Variants in LARP1B observed in about 807,000 individuals in gnomAD.
The protein encoded by LARP1B is la-related protein 1B.
In LARP1B, 76 loss-of-function variants were observed where a neutral mutation model predicts 114.2. The observed-to-expected ratio is 0.67, with a 90% confidence interval of 0.55 to 0.81. The LOEUF (loss-of-function observed/expected upper bound fraction) is 0.81. Ranked by LOEUF, LARP1B falls within the 30% of genes least tolerant of loss-of-function variation. The pLI is 0.00. For synonymous variants in LARP1B, 345 were observed against 348.0 expected, an observed-to-expected ratio of 0.99 and a Z score of 0.10; for missense variants, 1,014 against 1,075.8, an observed-to-expected ratio of 0.94 and a Z score of 0.80.
chr4:128,165,168 C>A (rs1238691676), intron 12 of LARP1B, among the ~76,000 whole-genome samples: 2 of 151,534 alleles, frequency 1.3e-5, no homozygotes, highest in African/African-American at 2.4e-5. Context: ...TGGGGGAAAT[C>A]CCATCTGGAA....
chr4:128,160,998 ATTCT>A (rs1026469215), intron 11 of LARP1B, among the ~76,000 whole-genome samples: 7 of 152,158 alleles, frequency 4.6e-5, no homozygotes, highest in East Asian at 1.9e-4. Context: ...AACCCGAAAA[ATTCT>A]TTCTTATGTT....
intron 15 of LARP1B, among the ~76,000 whole-genome samples, chr4:128,197,880 CTTTTTTTTTTTTT>C (rs35888649): frequency 2.3e-5 from 2 of 86,988 alleles, no homozygotes; most frequent in Non-Finnish European, 4.4e-5. Flanking sequence ...ACGATTGTAG[CTTTTTTTTTTTTT>C]TTTTTTTTTT....
At chr4:128,063,386 C>A (rs1198479969) in intron 1 of LARP1B, among the ~76,000 whole-genome samples, 1 of 129,678 alleles carries the variant, frequency 7.7e-6, no homozygotes, top group African/African-American at 2.9e-5. Context: ...CGAGATCGCG[C>A]CACTGCACTC....
intron 1 of LARP1B, among the ~76,000 whole-genome samples, chr4:128,064,887 C>T (rs6827422): frequency 0.58 from 88,194 of 151,664 alleles, 26,566 homozygotes; most frequent in Middle Eastern, 0.8. Flanking sequence ...CTAGCCTGGG[C>T]AATATAGCAA....
intron 6 of LARP1B, among the ~76,000 whole-genome samples, chr4:128,217,662 C>T (rs1363207484): frequency 6.0e-4 from 29 of 48,716 alleles, no homozygotes; most frequent in Admixed American, 1.1e-3. Context: ...TAAGAGCTAT[C>T]TATGACAAAC....
chr4:128,083,582 C>G (rs1189154788), intron 5 of LARP1B, among the ~76,000 whole-genome samples: 1 of 148,052 alleles, frequency 6.8e-6, no homozygotes. Context: ...GCTGACCCCC[C>G]CACCTCCCTC....
chr4:128,202,365 C>G (rs1479786970), intron 17 of LARP1B, among the ~76,000 whole-genome samples: 1 of 152,120 alleles, frequency 6.6e-6, no homozygotes, highest in Non-Finnish European at 1.5e-5. Context: ...GTAGAAAATA[C>G]CAGACTGCAC....
At chr4:128,096,749 T>C (rs540578418) in intron 7 of LARP1B, among the ~76,000 whole-genome samples, 4 of 150,574 alleles carry the variant, frequency 2.7e-5, no homozygotes, top group Admixed American at 6.6e-5. Context: ...TACAGGCGCC[T>C]GCCACCACAC....
At chr4:128,100,023 G>A (rs1340645158) in intron 8 of LARP1B, among the ~76,000 whole-genome samples, 1 of 151,956 alleles carries the variant, frequency 6.6e-6, no homozygotes, top group Non-Finnish European at 1.5e-5. Flanking sequence ...GCAATGCCAT[G>A]ATCTTGGCTC....
intron 12 of LARP1B, among the ~76,000 whole-genome samples, 163 bp downstream of exon 12, chr4:128,162,480 A>G (rs1017224121): frequency 6.6e-5 from 10 of 152,132 alleles, no homozygotes; most frequent in South Asian, 2.1e-4. Flanking sequence ...GTGAACTTCT[A>G]TTATCACACC....
chr4:128,196,610 T>C (rs1371851610), intron 15 of LARP1B, among the ~76,000 whole-genome samples: 3 of 151,530 alleles, frequency 2.0e-5, no homozygotes, highest in Admixed American at 1.3e-4. Flanking sequence ...TTTTTTTTTT[T>C]CGGACACGGA....
intron 11 of LARP1B, chr4:128,123,623 C>A (rs896923847): frequency 2.1e-6 from 1 of 485,532 alleles, no homozygotes; most frequent in African/African-American, 2.1e-5. Context: ...TATTGTATTT[C>A]TAGTGTTAGA....
intron 7 of LARP1B, among the ~76,000 whole-genome samples, chr4:128,097,014 T>G (rs570235649): frequency 6.6e-6 from 1 of 152,336 alleles, no homozygotes; most frequent in East Asian, 1.9e-4. Flanking sequence ...TTCTCCTGCC[T>G]CAGCTTCCCG....
chr4:128,180,333 G>T (rs879801327), intron 15 of LARP1B, among the ~76,000 whole-genome samples: 4 of 152,084 alleles, frequency 2.6e-5, no homozygotes, highest in Non-Finnish European at 5.9e-5. Flanking sequence ...TGAAAACTTT[G>T]GGAAAATATG....
chr4:128,101,063 C>T (rs1322812610), intron 8 of LARP1B, among the ~76,000 whole-genome samples: 2 of 151,582 alleles, frequency 1.3e-5, no homozygotes, highest in East Asian at 2.0e-4. Flanking sequence ...GGTGATCCAC[C>T]TGCCTCGGCC....
intron 11 of LARP1B, among the ~76,000 whole-genome samples, chr4:128,134,639 A>G (rs1176785842): frequency 6.6e-6 from 1 of 152,230 alleles, no homozygotes; most frequent in Non-Finnish European, 1.5e-5. Flanking sequence ...GAAAGGACAC[A>G]GTTAACAGTA....
intron 11 of LARP1B, among the ~76,000 whole-genome samples, chr4:128,138,633 G>A (rs936044734): frequency 1.5e-4 from 23 of 152,108 alleles, no homozygotes; most frequent in African/African-American, 5.1e-4. Context: ...TCATGAGAAC[G>A]TGAATGAGAG....
At chr4:128,208,780 A>G (rs941334076) in intron 19 of LARP1B, among the ~76,000 whole-genome samples, 3 of 152,180 alleles carry the variant, frequency 2.0e-5, no homozygotes, top group Non-Finnish European at 4.4e-5. Context: ...GGGTACTTAA[A>G]CGTTTGAAGA....
At chr4:128,115,274 T>A (rs1179613683) in intron 10 of LARP1B, among the ~76,000 whole-genome samples, 1 of 152,158 alleles carries the variant, frequency 6.6e-6, no homozygotes, top group Non-Finnish European at 1.5e-5. Flanking sequence ...GATTTAAGAA[T>A]TTTGGAGGCT....
Sources: allele counts gnomAD v4.1 joint callset (sites outside exome capture counted in the v4.1 genomes callset), GRCh38; gene constraint gnomAD v4.1.1; transcripts MANE v1.5; gene names NCBI Gene and HGNC (gene_info 2026-07-23, HGNC 2026-07-21).